Variants in PCDHA6 observed in about 807,000 individuals in gnomAD.
The protein encoded by PCDHA6 is protocadherin alpha 6.
A neutral mutation model predicts 60.3 loss-of-function variants in PCDHA6; 55 were observed. The ratio of observed to expected loss-of-function variants is 0.91; its 90% CI spans 0.73 to 1.14. The LOEUF (loss-of-function observed/expected upper bound fraction) is 1.14, where lower values mean the gene tolerates loss of function less well. Among genes scored for constraint, PCDHA6 ranks in the 50% most tolerant of loss-of-function variants. The pLI, the probability that PCDHA6 is intolerant of heterozygous loss-of-function variation, is 0.00. For missense variants in PCDHA6, 1,327 were observed against 1,256.5 expected, an observed-to-expected ratio of 1.06 and a Z score of -0.85; for synonymous variants, 652 against 557.9, an observed-to-expected ratio of 1.17 and a Z score of -2.38.
intron 1 of PCDHA6, among the ~76,000 whole-genome samples, chr5:140,891,754 T>C (rs1221942340): frequency 6.6e-6 from 1 of 152,174 alleles, no homozygotes; most frequent in Non-Finnish European, 1.5e-5. Flanking sequence ...ACAACAGTGT[T>C]GGGAGGTGGG....
intron 1 of PCDHA6, chr5:140,968,774 C>G: frequency 6.2e-7 from 1 of 1,614,206 alleles, no homozygotes; most frequent in Non-Finnish European, 8.5e-7. Flanking sequence ...AGAGCCATCA[C>G]TATCAGCCTC....
intron 1 of PCDHA6, among the ~76,000 whole-genome samples, chr5:140,953,146 A>G (rs1554220822): frequency 6.6e-6 from 1 of 152,152 alleles, no homozygotes; most frequent in Non-Finnish European, 1.5e-5. Context: ...TTATATTTCT[A>G]TGAAGGGTGT....
chr5:140,871,332 G>T (rs1182944600), intron 1 of PCDHA6: 6 of 1,614,146 alleles, frequency 3.7e-6, no homozygotes, highest in South Asian at 1.1e-5. Flanking sequence ...GCTCCCGCGC[G>T]GTGGGGAGCT....
intron 3 of PCDHA6, among the ~76,000 whole-genome samples, chr5:140,994,257 G>A (rs1232863771): frequency 6.6e-6 from 1 of 152,122 alleles, no homozygotes; most frequent in East Asian, 1.9e-4. Context: ...AGGTAAATAA[G>A]GTAAGCTAGG....
At chr5:140,987,316 G>A (rs13153056) in intron 3 of PCDHA6, among the ~76,000 whole-genome samples, 9,624 of 152,218 alleles carry the variant, frequency 0.063, 338 homozygotes, top group East Asian at 0.12. Flanking sequence ...AATGTACTGT[G>A]AAGTTTTAAG....
chr5:140,854,061 C>A, intron 1 of PCDHA6: 1 of 279,894 alleles, frequency 3.6e-6, no homozygotes, highest in Non-Finnish European at 5.4e-6. Flanking sequence ...ACTCAGGAGG[C>A]TGAGGCGAGA....
chr5:140,837,522 T>C (rs1187305095), intron 1 of PCDHA6, among the ~76,000 whole-genome samples: 1 of 151,966 alleles, frequency 6.6e-6, no homozygotes. Flanking sequence ...TTTACTTTTT[T>C]TGTATATTCC....
intron 1 of PCDHA6, chr5:140,927,699 G>A (rs155361): frequency 0.52 from 840,731 of 1,613,754 alleles, 221,277 homozygotes; most frequent in African/African-American, 0.71. Context: ...GGGAAGTCCA[G>A]TACTCCCTAA....
intron 1 of PCDHA6, among the ~76,000 whole-genome samples, chr5:140,889,644 C>A (rs2062317759): frequency 6.6e-6 from 1 of 151,938 alleles, no homozygotes; most frequent in African/African-American, 2.4e-5. Flanking sequence ...TTTGTGTTTG[C>A]AGGAGATGTC....
In PCDHA6 at chr5:140,850,849, G is replaced by A. The variant is rs2150500367; in HGVS notation, c.2394+20364G>A. On this transcript the variant is annotated intron_variant, in intron 1 of 3. Coordinates refer to ENST00000529310, the MANE Select transcript of PCDHA6 (RefSeq NM_018909.4). ...TCTCCTTGTGCTGGATCTACAGAGC[G>A]AACGGGAGAACCCTCTGCTTCCTCA... The A allele has an allele frequency of 8.1e-6, 13 of 1,596,194 alleles. 3 individuals are homozygous for A. Among genetic ancestry groups the A allele is most frequent in the East Asian group, 2.2e-5 (1 of 44,844 alleles).
chr5:140,904,098 A>G (rs184234910), intron 1 of PCDHA6, among the ~76,000 whole-genome samples: 35 of 152,296 alleles, frequency 2.3e-4, no homozygotes, highest in African/African-American at 7.9e-4. Context: ...TAACTACTTT[A>G]GTGGTCATTG....
At chr5:140,994,036 A>G (rs1176195849) in intron 3 of PCDHA6, among the ~76,000 whole-genome samples, 1 of 152,210 alleles carries the variant, frequency 6.6e-6, no homozygotes, top group African/African-American at 2.4e-5. Flanking sequence ...AATATTAAAT[A>G]TAACACAGTC....
rs1052880282 is a variant in PCDHA6 at position 140,969,588 on chromosome 5, T to C, written c.2395-9361T>C. On this transcript the variant is annotated intron_variant, in intron 1 of 3. Coordinates refer to ENST00000529310, the MANE Select transcript of PCDHA6 (RefSeq NM_018909.4). ...TTGTTTGAGAAGTGAGGATTAGTCT[T>C]AATATTTAATGCTAAAACACAGATT... 31 of 849,754 alleles carry C rather than the reference T, an allele frequency of 3.6e-5. No individual in the cohort carries two copies. The African/African-American group carries it at 5.3e-4, about 15-fold the overall frequency. The allele number at this position is 849,754 out of a possible 1,614,324, so 52.6% of individuals were successfully genotyped here. A position where few individuals can be genotyped will look rare whatever the true frequency, so the allele number is the denominator to read the frequency against.
At chr5:140,884,130 C>G (rs1554181258) in intron 1 of PCDHA6, 4 of 1,613,434 alleles carry the variant, frequency 2.5e-6, no homozygotes, top group African/African-American at 1.3e-5. Context: ...GCGCGCATCC[C>G]GTTCCGCGTG....
intron 1 of PCDHA6, chr5:140,855,906 C>G (rs1442009275): frequency 3.5e-6 from 4 of 1,137,256 alleles, no homozygotes; most frequent in Non-Finnish European, 3.7e-6. Context: ...CAGCCAGTTT[C>G]TCAAGGACTA....
intron 3 of PCDHA6, among the ~76,000 whole-genome samples, chr5:140,995,258 A>C (rs2097672609): frequency 6.6e-6 from 1 of 152,164 alleles, no homozygotes; most frequent in Non-Finnish European, 1.5e-5. Flanking sequence ...AGGGTACTTG[A>C]ATACAAGCCC....
chr5:140,902,846 A>C (rs1119032), intron 1 of PCDHA6, among the ~76,000 whole-genome samples: 2 of 152,088 alleles, frequency 1.3e-5, no homozygotes, highest in African/African-American at 2.4e-5. Context: ...CTTCACTTAG[A>C]AAAATGGCGT....
intron 1 of PCDHA6, among the ~76,000 whole-genome samples, chr5:140,887,318 G>A (rs1485206878): frequency 6.6e-6 from 1 of 152,010 alleles, no homozygotes; most frequent in Non-Finnish European, 1.5e-5. Context: ...GGATAGTCTC[G>A]AACTCCTGAC....
chr5:140,856,541 G>T lies in PCDHA6; in HGVS notation c.2394+26056G>T, dbSNP rs1554148841. 5.0e-6 allele frequency: 8 copies of T among 1,598,164 alleles called. 2 individuals carry two copies. Among genetic ancestry groups the T allele is most frequent in the South Asian group, 4.4e-5 (4 of 90,522 alleles). On this transcript the variant is annotated intron_variant, in intron 1 of 3. Transcript: ENST00000529310. ...ATCTGATGCGGATGTTGGAGAGAAC[G>T]CATTGCTTACTTACAAACTCAGTCC...
Sources: gnomAD v4.1 joint callset for allele counts (sites outside exome capture counted in the v4.1 genomes callset) on GRCh38, gnomAD v4.1.1 for gene constraint, MANE v1.5 for transcripts, NCBI Gene and HGNC (gene_info 2026-07-23, HGNC 2026-07-21) for gene names.